The following CAMK2D variants were observed in gnomAD, a reference collection of about 807,000 sequenced individuals.
CAMK2D encodes the protein calcium/calmodulin-dependent protein kinase type II subunit delta.
A neutral mutation model predicts 84.0 loss-of-function variants in CAMK2D; 37 were observed. The observed-to-expected ratio is 0.44, with a 90% confidence interval of 0.34 to 0.58. The LOEUF (loss-of-function observed/expected upper bound fraction) is 0.58, where lower values mean the gene tolerates loss of function less well. CAMK2D is among the 20% of genes least tolerant of loss of function. The pLI, the probability that CAMK2D is intolerant of heterozygous loss-of-function variation, is 0.02. For missense variants in CAMK2D, 448 were observed against 652.5 expected, an observed-to-expected ratio of 0.69 and a Z score of 3.41; for synonymous variants, 202 against 212.5, an observed-to-expected ratio of 0.95 and a Z score of 0.43.
intron 4 of CAMK2D, among the ~76,000 whole-genome samples, chr4:113,553,452 GTTTGCTTT>G (rs2098643907): frequency 6.6e-6 from 1 of 152,174 alleles, no homozygotes; most frequent in South Asian, 2.1e-4. Flanking sequence ...TTGTTCACTT[GTTTGCTTT>G]TTTGCTTTAT....
chr4:113,652,961 A>G (rs2154303533), intron 3 of CAMK2D, among the ~76,000 whole-genome samples: 1 of 152,146 alleles, frequency 6.6e-6, no homozygotes, highest in East Asian at 1.9e-4. Flanking sequence ...TCATTGATAC[A>G]TGGAAAAAAA....
At chr4:113,716,526 C>T (rs1400354928) in intron 2 of CAMK2D, among the ~76,000 whole-genome samples, 1 of 151,788 alleles carries the variant, frequency 6.6e-6, no homozygotes, top group Non-Finnish European at 1.5e-5. Flanking sequence ...TGGTGCACAC[C>T]TGTAGTCCCA....
chr4:113,674,401 C>T (rs2099309516), intron 2 of CAMK2D, among the ~76,000 whole-genome samples: 1 of 152,148 alleles, frequency 6.6e-6, no homozygotes, highest in Non-Finnish European at 1.5e-5. Flanking sequence ...CAGGTAAGTA[C>T]TGCATCATTT....
In CAMK2D at chr4:113,569,345, C is replaced by T. The variant is rs114063970; in HGVS notation, c.276-17249G>A. ...CATGAAAGTTTTTCTCCTACATGTTCTTCTAAGAGTTTCATAGCTTTAGCT... is the reference window on the plus strand; with the variant it reads ...CATGAAAGTTTTTCTCCTACATGTTTTTCTAAGAGTTTCATAGCTTTAGCT... On this transcript the variant is annotated intron_variant, in intron 4 of 20. Transcript: ENST00000511664. Among the ~76,000 whole-genome samples, 198 of 152,258 alleles carry T rather than the reference C, an allele frequency of 1.3e-3. 1 individual carries two copies. The highest frequency in any genetic ancestry group is 4.7e-3 in the African/African-American group (194 of 41,556).
chr4:113,614,283 A>G (rs2099012779), intron 3 of CAMK2D, among the ~76,000 whole-genome samples: 1 of 152,102 alleles, frequency 6.6e-6, no homozygotes, highest in South Asian at 2.1e-4. Context: ...CAAACTCACT[A>G]TCTGTTCCTC....
intron 17 of CAMK2D, among the ~76,000 whole-genome samples, chr4:113,462,354 A>G (rs958368722): frequency 1.3e-5 from 2 of 150,362 alleles, no homozygotes; most frequent in African/African-American, 4.9e-5. Flanking sequence ...CTATCTATCT[A>G]TCTATCTATC....
intron 2 of CAMK2D, among the ~76,000 whole-genome samples, chr4:113,702,787 A>G (rs554262831): frequency 1.3e-5 from 2 of 152,254 alleles, no homozygotes; most frequent in East Asian, 3.9e-4. Flanking sequence ...ATGCACCTGT[A>G]ATCCCAGCTA....
At chr4:113,545,702 A>G (rs1370117486) in intron 6 of CAMK2D, among the ~76,000 whole-genome samples, 2 of 152,196 alleles carry the variant, frequency 1.3e-5, no homozygotes, top group East Asian at 1.9e-4. Context: ...ACCAGACTCA[A>G]CTGAAATCCA....
chr4:113,653,851 C>T (rs886439878), intron 3 of CAMK2D, among the ~76,000 whole-genome samples: 13 of 151,878 alleles, frequency 8.6e-5, no homozygotes, highest in African/African-American at 2.2e-4. Context: ...ACCTGAGGAA[C>T]CTAGAAGACA....
At chr4:113,746,150 T>C (rs1449020835) in intron 2 of CAMK2D, among the ~76,000 whole-genome samples, 1 of 152,220 alleles carries the variant, frequency 6.6e-6, no homozygotes, top group Non-Finnish European at 1.5e-5. Flanking sequence ...GAATAAATTA[T>C]TTGCATTCAG....
intron 4 of CAMK2D, among the ~76,000 whole-genome samples, chr4:113,597,395 C>T (rs1462186751): frequency 1.3e-5 from 2 of 152,208 alleles, no homozygotes; most frequent in African/African-American, 2.4e-5. Context: ...TGCTGCTTCA[C>T]ACTGCGCTTT....
At chr4:113,533,578 A>G (rs2098471570) in intron 7 of CAMK2D, among the ~76,000 whole-genome samples, 1 of 152,148 alleles carries the variant, frequency 6.6e-6, no homozygotes, top group African/African-American at 2.4e-5. Context: ...ATTGGCATAA[A>G]AAGAACCTTA....
chr4:113,565,573 C>T (rs1241139180), intron 4 of CAMK2D, among the ~76,000 whole-genome samples: 1 of 151,460 alleles, frequency 6.6e-6, no homozygotes, highest in Non-Finnish European at 1.5e-5. Flanking sequence ...ATCGCTCGAC[C>T]CCGGGAGGCA....
At chr4:113,612,896 C>A (rs1308891354) in intron 3 of CAMK2D, among the ~76,000 whole-genome samples, 1 of 152,162 alleles carries the variant, frequency 6.6e-6, no homozygotes, top group Non-Finnish European at 1.5e-5. Context: ...TTCTCTCCTG[C>A]ATGTATTATC....
chr4:113,656,135 T>A (rs1386385259), intron 3 of CAMK2D, among the ~76,000 whole-genome samples: 1 of 152,186 alleles, frequency 6.6e-6, no homozygotes, highest in Non-Finnish European at 1.5e-5. Flanking sequence ...GTGAACAGAA[T>A]GATCAAACAT....
At chr4:113,714,926 T>C (rs942497508) in intron 2 of CAMK2D, among the ~76,000 whole-genome samples, 2 of 152,110 alleles carry the variant, frequency 1.3e-5, no homozygotes, top group African/African-American at 4.8e-5. Flanking sequence ...AAAACCCTTA[T>C]GGTATTTTGC....
chr4:113,733,746 AT>A (rs1472903498), intron 2 of CAMK2D, among the ~76,000 whole-genome samples: 3 of 152,212 alleles, frequency 2.0e-5, no homozygotes, highest in African/African-American at 7.2e-5. Flanking sequence ...CTGCTCAAGC[AT>A]GTAGCTTTTA....
chr4:113,672,686 TTTAA>T lies in CAMK2D; in HGVS notation c.161-10918_161-10915del, dbSNP rs199772545. Among the ~76,000 whole-genome samples, 1,478 of 151,716 alleles carry T rather than the reference TTTAA, an allele frequency of 9.7e-3. 16 individuals are homozygous for T. Among genetic ancestry groups the T allele is most frequent in the African/African-American group, 0.028 (1,183 of 41,514 alleles). On this transcript the variant is annotated intron_variant, in intron 2 of 20. Transcript: ENST00000511664. ...ATTTTAATTCTATTAATTGAATTAA[TTTAA>T]TTAATTAATTAAAAATAAAATTAAT... is the stretch of plus-strand genomic sequence containing the variant.
At chr4:113,561,626 A>G (rs1046993400) in intron 4 of CAMK2D, among the ~76,000 whole-genome samples, 4 of 152,238 alleles carry the variant, frequency 2.6e-5, no homozygotes, top group African/African-American at 9.6e-5. Flanking sequence ...ATAAAGGCTT[A>G]AGTCAATCTA....
Sources: gnomAD v4.1 joint callset for allele counts (sites outside exome capture counted in the v4.1 genomes callset) on GRCh38, gnomAD v4.1.1 for gene constraint, MANE v1.5 for transcripts, NCBI Gene and HGNC (gene_info 2026-07-23, HGNC 2026-07-21) for gene names.